The following FMN2 variants were observed in gnomAD, a reference collection of about 807,000 sequenced individuals.
The protein encoded by FMN2 is formin 2, also known as formin-2.
FMN2 carries 51 observed loss-of-function variants against 142.3 expected under a neutral mutation model. The ratio of observed to expected loss-of-function variants is 0.36; its 90% CI spans 0.29 to 0.45. The LOEUF (loss-of-function observed/expected upper bound fraction) is 0.45, where lower values mean the gene tolerates loss of function less well. Ranked by LOEUF, FMN2 falls within the 20% of genes least tolerant of loss-of-function variation. The pLI is 1.00. For synonymous variants in FMN2, 882 were observed against 869.8 expected (o/e 1.01, Z -0.25); for missense variants, 1,936 against 2,122.8 (o/e 0.91, Z 1.73).
intron 3 of FMN2, among the ~76,000 whole-genome samples, chr1:240,178,790 A>G (rs1665033250): frequency 6.6e-6 from 1 of 152,204 alleles, no homozygotes; most frequent in South Asian, 2.1e-4. Context: ...CTGACCAGGC[A>G]TAAATATTGA....
Position 240,261,600 on chromosome 1 carries a change from C to T in FMN2, c.4153+3568C>T, listed in dbSNP as rs1424977155. Among the ~76,000 whole-genome samples the T allele has an allele frequency of 3.9e-5, 6 of 152,126 alleles. No individual in the cohort carries two copies. In the East Asian group the frequency reaches 1.2e-3, roughly 29 times the overall value. On this transcript the variant is annotated intron_variant, in intron 7 of 17. Coordinates refer to ENST00000319653, the MANE Select transcript of FMN2 (RefSeq NM_020066.5). Reference sequence around the variant, plus strand: ...TAGGTATCAAAGTTCTAACCCTGGTCCTGCTGAGCACCACTTGCTCAGTCT... The same window carrying T: ...TAGGTATCAAAGTTCTAACCCTGGTTCTGCTGAGCACCACTTGCTCAGTCT...
intron 2 of FMN2, among the ~76,000 whole-genome samples, chr1:240,137,575 C>T (rs968686077): frequency 2.8e-4 from 42 of 152,286 alleles, no homozygotes; most frequent in Non-Finnish European, 2.2e-4. Context: ...CATGTGTGCT[C>T]ACCAGCCAGT....
chr1:240,260,013 C>T (rs112662973), intron 7 of FMN2, among the ~76,000 whole-genome samples: 2,053 of 152,264 alleles, frequency 0.013, 23 homozygotes, highest in Non-Finnish European at 0.022. Flanking sequence ...TTTGGTTTTC[C>T]ATTCCTGAGT....
At chr1:240,198,704 A>G (rs1252368749) in intron 4 of FMN2, among the ~76,000 whole-genome samples, 1 of 150,494 alleles carries the variant, frequency 6.6e-6, no homozygotes, top group African/African-American at 2.5e-5. Context: ...GCAAAATTAT[A>G]TCTATATAAC....
intron 4 of FMN2, among the ~76,000 whole-genome samples, chr1:240,205,949 G>T (rs1666337302): frequency 6.8e-6 from 1 of 147,598 alleles, no homozygotes; most frequent in Non-Finnish European, 1.5e-5. Context: ...AGGCGGGAGT[G>T]CAGTGCAGTG....
intron 14 of FMN2, among the ~76,000 whole-genome samples, chr1:240,379,286 G>A (rs981587751): frequency 1.3e-5 from 2 of 151,824 alleles, no homozygotes; most frequent in South Asian, 2.1e-4. Context: ...TTTAGACATC[G>A]AACATCTTTT....
intron 4 of FMN2, among the ~76,000 whole-genome samples, chr1:240,201,539 A>G (rs1344491721): frequency 6.6e-6 from 1 of 152,158 alleles, no homozygotes; most frequent in Non-Finnish European, 1.5e-5. Flanking sequence ...GTTCTCAAAT[A>G]CTACAAAAAA....
At chr1:240,202,095 T>A (rs1666147609) in intron 4 of FMN2, among the ~76,000 whole-genome samples, 1 of 152,178 alleles carries the variant, frequency 6.6e-6, no homozygotes, top group Non-Finnish European at 1.5e-5. Flanking sequence ...TAAATCTTTG[T>A]GTGGTTGCAT....
intron 6 of FMN2, among the ~76,000 whole-genome samples, chr1:240,254,453 G>C (rs1381480607): frequency 1.3e-5 from 2 of 152,080 alleles, no homozygotes; most frequent in Non-Finnish European, 2.9e-5. Flanking sequence ...GGGGGAGTGG[G>C]ATGGGTTTTA....
At chr1:240,397,626 TA>T (rs1476853059) in intron 15 of FMN2, among the ~76,000 whole-genome samples, 1 of 151,526 alleles carries the variant, frequency 6.6e-6, no homozygotes, top group African/African-American at 2.4e-5. Context: ...CTGTCTCTAC[TA>T]AAAATACAAA....
At chr1:240,300,098 T>C (rs945198497) in intron 8 of FMN2, among the ~76,000 whole-genome samples, 3 of 152,174 alleles carry the variant, frequency 2.0e-5, no homozygotes, top group African/African-American at 7.2e-5. Context: ...ATCCCTCCTC[T>C]ATCACCCCAA....
chr1:240,137,476 G>T (rs1350344472), intron 2 of FMN2, among the ~76,000 whole-genome samples: 4 of 152,172 alleles, frequency 2.6e-5, no homozygotes, highest in Admixed American at 2.6e-4. Flanking sequence ...TATTTGGCTG[G>T]CAGGCTGTGG....
At chr1:240,187,285 AAAAAAAGAAAAGAAAAAAACAAAACC>A (rs1665513384) in intron 3 of FMN2, among the ~76,000 whole-genome samples, 1 of 151,024 alleles carries the variant, frequency 6.6e-6, no homozygotes, top group Admixed American at 6.6e-5. Flanking sequence ...AAAAAAAAAA[AAAAAAAGAAAAGAAAAAAACAAAACC>A]AAAAACAGTG....
rs77491883 is a variant in FMN2, at chr1:240,442,804, C to T, written c.5060+4594C>T. Among the ~76,000 whole-genome samples the T allele has an allele frequency of 5.3e-5, 8 of 152,226 alleles. No individual in the cohort carries two copies. In the East Asian group the frequency reaches 5.8e-4, roughly 11 times the overall value. ...TCAAAATAGTGAATTTCTACACATC[C>T]GTGTCGGATAGGGCTTCTGTCTTTC... On this transcript the variant is annotated intron_variant, in intron 16 of 17. Coordinates refer to ENST00000319653, the MANE Select transcript of FMN2 (RefSeq NM_020066.5).
intron 13 of FMN2, among the ~76,000 whole-genome samples, chr1:240,342,074 C>A (rs1226086446): frequency 6.6e-6 from 1 of 152,328 alleles, no homozygotes. Context: ...TTTATCTATT[C>A]CTCCACGATC....
At chr1:240,299,619 T>C (rs545017881) in intron 8 of FMN2, among the ~76,000 whole-genome samples, 2 of 152,142 alleles carry the variant, frequency 1.3e-5, no homozygotes, top group Non-Finnish European at 2.9e-5. Context: ...TAGGGCAAAC[T>C]GAGTAGATTT....
intron 2 of FMN2, among the ~76,000 whole-genome samples, chr1:240,162,544 T>C (rs556957683): frequency 6.6e-6 from 1 of 152,340 alleles, no homozygotes; most frequent in South Asian, 2.1e-4. Flanking sequence ...TGCATTTTTT[T>C]CCTTAAAAAT....
intron 15 of FMN2, among the ~76,000 whole-genome samples, chr1:240,405,510 C>G (rs1674117375): frequency 6.6e-6 from 1 of 151,730 alleles, no homozygotes; most frequent in Non-Finnish European, 1.5e-5. Flanking sequence ...CCCAGCTACT[C>G]AGGAGGCTGA....
chr1:240,321,206 G>A (rs762793035), intron 8 of FMN2, among the ~76,000 whole-genome samples: 4 of 151,236 alleles, frequency 2.6e-5, no homozygotes, highest in African/African-American at 4.9e-5. Context: ...ACTGCAAACC[G>A]TGGTTATTCA....
Sources: gnomAD v4.1 joint callset for allele counts (sites outside exome capture counted in the v4.1 genomes callset) on GRCh38, gnomAD v4.1.1 for gene constraint, MANE v1.5 for transcripts, NCBI Gene and HGNC (gene_info 2026-07-23, HGNC 2026-07-21) for gene names.